The following EXOC6 variants were observed in gnomAD, a reference collection of about 807,000 sequenced individuals.
The protein encoded by EXOC6 is SEC15-like 1.
Under a neutral mutation model 112.5 loss-of-function variants are expected in EXOC6, and 60 were observed. The ratio of observed to expected loss-of-function variants is 0.53; its 90% confidence interval spans 0.43 to 0.66. The LOEUF is 0.66. EXOC6 is among the 30% of genes least tolerant of loss of function. The pLI, the probability that EXOC6 is intolerant of heterozygous loss-of-function variation, is 0.00. For synonymous variants in EXOC6, 295 were observed against 308.0 expected (o/e 0.96, Z 0.44); for missense variants, 855 against 957.1 (o/e 0.89, Z 1.41).
At chr10:92,905,820 T>C (rs1335177362) in intron 5 of EXOC6, among the ~76,000 whole-genome samples, 2 of 152,112 alleles carry the variant, frequency 1.3e-5, no homozygotes, top group Admixed American at 1.3e-4. Context: ...TTGTAGTTGT[T>C]GGATGAAGTA....
chr10:92,958,908 A>T (rs537978653), intron 17 of EXOC6, among the ~76,000 whole-genome samples: 1 of 152,192 alleles, frequency 6.6e-6, no homozygotes, highest in Non-Finnish European at 1.5e-5. Flanking sequence ...ATCCTGGCCA[A>T]CATGGTGAAA....
At chr10:92,868,258 G>A (rs1848273954) in intron 1 of EXOC6, among the ~76,000 whole-genome samples, 1 of 152,088 alleles carries the variant, frequency 6.6e-6, no homozygotes, top group African/African-American at 2.4e-5. Flanking sequence ...GGCATGAGGA[G>A]TGGCTCTTTA....
At chr10:92,932,749 A>T (rs1454734277) in intron 9 of EXOC6, among the ~76,000 whole-genome samples, 1 of 152,176 alleles carries the variant, frequency 6.6e-6, no homozygotes, top group Non-Finnish European at 1.5e-5. Context: ...TGAATAGCAA[A>T]AAAAGTATAA....
chr10:92,943,646 A>G (rs1292413892), intron 13 of EXOC6, among the ~76,000 whole-genome samples: 3 of 151,720 alleles, frequency 2.0e-5, no homozygotes, highest in African/African-American at 4.8e-5. Flanking sequence ...ATGTTTTGGT[A>G]TATTGTATAC....
intron 15 of EXOC6, among the ~76,000 whole-genome samples, chr10:92,952,688 A>G (rs1853487679): frequency 6.6e-6 from 1 of 152,188 alleles, no homozygotes; most frequent in Admixed American, 6.5e-5. Flanking sequence ...TTACAAGTGA[A>G]AACATGCAGT....
intron 21 of EXOC6, among the ~76,000 whole-genome samples, 192 bp from the exon 22 acceptor site, chr10:93,058,031 T>C (rs1383399638): frequency 6.6e-6 from 1 of 152,198 alleles, no homozygotes; most frequent in Non-Finnish European, 1.5e-5. Flanking sequence ...ACATAGAATG[T>C]AAAATAAAGC....
At chr10:92,916,967 C>CTTTT (rs1299919614) in intron 7 of EXOC6, among the ~76,000 whole-genome samples, 1 of 141,196 alleles carries the variant, frequency 7.1e-6, no homozygotes, top group Non-Finnish European at 1.6e-5. Flanking sequence ...ATTTTTCTTT[C>CTTTT]TTTTTTTTTT....
chr10:92,999,907 T>C (rs903587247), intron 19 of EXOC6, among the ~76,000 whole-genome samples: 12 of 152,136 alleles, frequency 7.9e-5, no homozygotes, highest in African/African-American at 2.7e-4. Context: ...TTTCAACATA[T>C]TGGCCAGGCT....
intron 6 of EXOC6, among the ~76,000 whole-genome samples, chr10:92,910,604 T>TAA (rs559220641): frequency 6.6e-6 from 1 of 151,410 alleles, no homozygotes; most frequent in African/African-American, 2.4e-5. Flanking sequence ...AAAAAAACTA[T>TAA]AAAAAAAATA....
intron 5 of EXOC6, among the ~76,000 whole-genome samples, chr10:92,905,831 T>G (rs538269800): frequency 6.6e-6 from 1 of 152,264 alleles, no homozygotes; most frequent in Non-Finnish European, 1.5e-5. Context: ...GGATGAAGTA[T>G]TCTGTCAATG....
At chr10:93,014,851 A>T (rs967880458) in intron 20 of EXOC6, among the ~76,000 whole-genome samples, 2 of 151,600 alleles carry the variant, frequency 1.3e-5, no homozygotes, top group Non-Finnish European at 2.9e-5. Context: ...TCATTTTGCT[A>T]CTCTGACATA....
chr10:92,993,858 G>T (rs1363203678), intron 18 of EXOC6, among the ~76,000 whole-genome samples: 1 of 152,164 alleles, frequency 6.6e-6, no homozygotes, highest in East Asian at 1.9e-4. Context: ...TGCAGTGAGG[G>T]ACTATTGGGT....
intron 17 of EXOC6, among the ~76,000 whole-genome samples, chr10:92,963,895 T>A (rs1417467630): frequency 2.0e-5 from 3 of 152,156 alleles, no homozygotes; most frequent in African/African-American, 7.2e-5. Context: ...TAGTTCATTA[T>A]GGAGCAGATC....
At chr10:92,940,116 G>A (rs1852572989) in intron 12 of EXOC6, among the ~76,000 whole-genome samples, 1 of 152,130 alleles carries the variant, frequency 6.6e-6, no homozygotes, top group Non-Finnish European at 1.5e-5. Context: ...AATGGTTTAT[G>A]TGGAAGGAGA....
upstream of EXOC6, among the ~76,000 whole-genome samples, chr10:92,833,844 A>C (rs1418762762): frequency 6.6e-6 from 1 of 152,126 alleles, no homozygotes; most frequent in Non-Finnish European, 1.5e-5. Flanking sequence ...TTAGTTCTTT[A>C]GGCCTACTTG....
intron 9 of EXOC6, among the ~76,000 whole-genome samples, chr10:92,933,721 T>G (rs1238273091): frequency 6.6e-6 from 1 of 152,204 alleles, no homozygotes; most frequent in Non-Finnish European, 1.5e-5. Flanking sequence ...TAAAAGGTTT[T>G]GGCAGAAGAT....
chr10:92,843,620 C>T (rs1372673892), upstream of EXOC6, among the ~76,000 whole-genome samples: 3 of 151,430 alleles, frequency 2.0e-5, no homozygotes, highest in South Asian at 2.1e-4. Context: ...GAGGCCGAGG[C>T]GGCGGATCAC....
At chr10:92,849,212 A>AAGAGAGCGTGGGCTGGAGG (rs1847207372) in intron 1 of EXOC6, among the ~76,000 whole-genome samples, 4 of 150,934 alleles carry the variant, frequency 2.7e-5, no homozygotes, top group Non-Finnish European at 5.9e-5. Context: ...TGGGCTGGAG[A>AAGAGAGCGTGGGCTGGAGG]AGAGAGCGTG....
upstream of EXOC6, chr10:92,831,282 G>C: frequency 7.8e-7 from 1 of 1,284,690 alleles, no homozygotes; most frequent in Non-Finnish European, 1.0e-6. Context: ...AGAAGACCTT[G>C]AATCTCCAGG....
Sources: gnomAD v4.1 joint callset for allele counts (sites outside exome capture counted in the v4.1 genomes callset) on GRCh38, gnomAD v4.1.1 for gene constraint, MANE v1.5 for transcripts, NCBI Gene and HGNC (gene_info 2026-07-23, HGNC 2026-07-21) for gene names.